The following KIAA1217 variants were observed in gnomAD, a reference collection of about 807,000 sequenced individuals.
KIAA1217 encodes the protein sickle tail protein homolog.
In KIAA1217, 88 loss-of-function variants were observed where a neutral mutation model predicts 163.9. That is an observed-to-expected ratio of 0.54 (90% CI 0.45 to 0.64). KIAA1217 has a LOEUF of 0.64. KIAA1217 is among the 30% of genes least tolerant of loss of function. KIAA1217 has a pLI of 0.00. For synonymous variants in KIAA1217, 903 were observed against 923.1 expected, an observed-to-expected ratio of 0.98 and a Z score of 0.39; for missense variants, 2,372 against 2,475.0, an observed-to-expected ratio of 0.96 and a Z score of 0.88.
At chr10:24,072,361 A>T (rs1463099558) in intron 2 of KIAA1217, among the ~76,000 whole-genome samples, 1 of 152,226 alleles carries the variant, frequency 6.6e-6, no homozygotes, top group African/African-American at 2.4e-5. Context: ...CAAGTTCCAG[A>T]GGACAGATAA....
chr10:24,117,818 A>G (rs1160516304), intron 2 of KIAA1217, among the ~76,000 whole-genome samples: 3 of 152,128 alleles, frequency 2.0e-5, no homozygotes. Context: ...TTCATCACAT[A>G]TTTTGAAATG....
chr10:24,319,104 G>A (rs753019555), intron 2 of KIAA1217, among the ~76,000 whole-genome samples: 15 of 152,180 alleles, frequency 9.9e-5, no homozygotes, highest in East Asian at 9.7e-4. Flanking sequence ...GGGGCCGGGC[G>A]TGGTGGCTCA....
chr10:24,324,128 C>G (rs2044553577), intron 2 of KIAA1217, among the ~76,000 whole-genome samples: 1 of 151,218 alleles, frequency 6.6e-6, no homozygotes, highest in Admixed American at 6.6e-5. Flanking sequence ...ATTAGCTAAA[C>G]ATGGTAACAT....
intron 1 of KIAA1217, among the ~76,000 whole-genome samples, chr10:23,845,819 T>C (rs1257557151): frequency 6.6e-6 from 1 of 152,232 alleles, no homozygotes; most frequent in Non-Finnish European, 1.5e-5. Flanking sequence ...GCCTATGTCC[T>C]GAATTTTATT....
chr10:23,858,664 C>A (rs1365972826), intron 1 of KIAA1217, among the ~76,000 whole-genome samples: 1 of 152,098 alleles, frequency 6.6e-6, no homozygotes, highest in Non-Finnish European at 1.5e-5. Flanking sequence ...GGCTCCCCAT[C>A]AGTCCTAGGA....
chr10:24,445,789 A>G (rs2060881769), intron 5 of KIAA1217, among the ~76,000 whole-genome samples: 1 of 152,072 alleles, frequency 6.6e-6, no homozygotes, highest in Non-Finnish European at 1.5e-5. Flanking sequence ...CTTGTTGGAC[A>G]TTTGGGTTGG....
intron 1 of KIAA1217, among the ~76,000 whole-genome samples, chr10:23,896,670 C>T (rs1284310374): frequency 2.0e-5 from 3 of 152,030 alleles, no homozygotes; most frequent in African/African-American, 7.2e-5. Flanking sequence ...AGGAGGCATC[C>T]TAAAGGTTGG....
chr10:24,286,649 T>C (rs2132343565), intron 2 of KIAA1217, among the ~76,000 whole-genome samples: 1 of 152,304 alleles, frequency 6.6e-6, no homozygotes, highest in African/African-American at 2.4e-5. Flanking sequence ...ATTCTCTTCA[T>C]CCTTTGCTGA....
chr10:24,539,579 C>A (rs1203106714), intron 17 of KIAA1217, among the ~76,000 whole-genome samples: 1 of 152,176 alleles, frequency 6.6e-6, no homozygotes, highest in African/African-American at 2.4e-5. Context: ...ATTAGAAATC[C>A]ATATCCCATT....
At chr10:23,847,422 C>A (rs1269417447) in intron 1 of KIAA1217, among the ~76,000 whole-genome samples, 1 of 152,104 alleles carries the variant, frequency 6.6e-6, no homozygotes, top group Non-Finnish European at 1.5e-5. Flanking sequence ...TTGGTCTATT[C>A]AGGGATTCGA....
chr10:24,036,183 G>A (rs890597402), intron 2 of KIAA1217, among the ~76,000 whole-genome samples: 4 of 152,192 alleles, frequency 2.6e-5, no homozygotes, highest in African/African-American at 9.6e-5. Flanking sequence ...GCAGAATCCG[G>A]GAGCTTTAGC....
chr10:23,927,325 G>GGGGTGT (rs71506821), intron 1 of KIAA1217, among the ~76,000 whole-genome samples: 1 of 143,000 alleles, frequency 7.0e-6, no homozygotes, highest in African/African-American at 2.6e-5. Flanking sequence ...CAAGTCATAG[G>GGGGTGT]GTGTGTGTGT....
chr10:24,181,742 T>G (rs1013782315), intron 2 of KIAA1217, among the ~76,000 whole-genome samples: 3 of 152,152 alleles, frequency 2.0e-5, no homozygotes, highest in Admixed American at 1.3e-4. Context: ...TCTTAGGAGA[T>G]AGATTAGATG....
chr10:23,760,034 C>A (rs756354122), intron 1 of KIAA1217, among the ~76,000 whole-genome samples: 3 of 152,166 alleles, frequency 2.0e-5, no homozygotes, highest in Admixed American at 6.6e-5. Context: ...AGAGGATTAG[C>A]TAATTTTATT....
In KIAA1217 at chr10:23,874,139, C is replaced by T. The variant is rs536794763; in HGVS notation, c.-320-133086C>T. On this transcript the variant is annotated intron_variant, in intron 1 of 18. Transcript: ENST00000376462. Reference sequence around the variant, plus strand: ...AACCAAGTCACGTTTTGTTTTTATCCTGACATTCACCCCTCATGGTTAGCT... The same window carrying T: ...AACCAAGTCACGTTTTGTTTTTATCTTGACATTCACCCCTCATGGTTAGCT... Among the ~76,000 whole-genome samples the T allele has an allele frequency of 2.6e-5, 4 of 152,006 alleles. No homozygotes were observed. In the East Asian group the frequency reaches 7.8e-4, roughly 30 times the overall value.
At chr10:24,111,504 T>A (rs1270545654) in intron 2 of KIAA1217, among the ~76,000 whole-genome samples, 1 of 152,236 alleles carries the variant, frequency 6.6e-6, no homozygotes, top group Admixed American at 6.5e-5. Flanking sequence ...CTTTAAGGAA[T>A]TAGATCTCAT....
At chr10:24,476,461 A>G (rs183929869) in intron 6 of KIAA1217, among the ~76,000 whole-genome samples, 14 of 152,278 alleles carry the variant, frequency 9.2e-5, no homozygotes, top group African/African-American at 3.4e-4. Flanking sequence ...ATTTCAGAAA[A>G]TTCTATGGAC....
intron 6 of KIAA1217, among the ~76,000 whole-genome samples, chr10:24,475,145 G>A (rs934132934): frequency 6.6e-6 from 1 of 152,186 alleles, no homozygotes; most frequent in African/African-American, 2.4e-5. Flanking sequence ...CTTGAACCTG[G>A]GAGGTGGAGG....
rs2064606659 is a variant in KIAA1217, at chr10:24,151,412, T to C, written c.-170-68214T>C. Among the ~76,000 whole-genome samples, 3 of 148,906 alleles carry C rather than the reference T, an allele frequency of 2.0e-5. No homozygotes were observed. In the South Asian group the frequency reaches 6.6e-4, roughly 33 times the overall value. On this transcript the variant is annotated intron_variant, in intron 2 of 18. Coordinates refer to the KIAA1217 transcript ENST00000376462. ...ACTTATGCTGGGCAGGTATAGAATC[T>C]GACTAGAGGAGAGATTTTCCTGGAG...
Sources: gnomAD v4.1 joint callset for allele counts (sites outside exome capture counted in the v4.1 genomes callset) on GRCh38, gnomAD v4.1.1 for gene constraint, MANE v1.5 for transcripts, NCBI Gene and HGNC (gene_info 2026-07-23, HGNC 2026-07-21) for gene names.